JPH3: variants seen among roughly 807,000 people sequenced by gnomAD.
JPH3 encodes junctophilin 3, also known as junctophilin-3.
A neutral mutation model predicts 59.6 loss-of-function variants in JPH3; 11 were observed. The ratio of observed to expected loss-of-function variants is 0.18; its 90% CI spans 0.12 to 0.31. The LOEUF (loss-of-function observed/expected upper bound fraction) is 0.31, where lower values mean the gene tolerates loss of function less well. Ranked by LOEUF, JPH3 falls within the 10% of genes least tolerant of loss-of-function variation. JPH3 has a pLI of 1.00. For synonymous variants in JPH3, 673 were observed against 483.6 expected (o/e 1.39, Z -5.14); for missense variants, 1,202 against 1,105.7 (o/e 1.09, Z -1.24).
chr16:87,637,767 G>C (rs2150840171), intron 1 of JPH3, among the ~76,000 whole-genome samples: 1 of 152,268 alleles, frequency 6.6e-6, no homozygotes, highest in African/African-American at 2.4e-5. Flanking sequence ...TGTGCCCCCG[G>C]GGTTGGCTTC....
chr16:87,641,672 C>T (rs1464322643), intron 1 of JPH3, among the ~76,000 whole-genome samples: 1 of 152,262 alleles, frequency 6.6e-6, no homozygotes, highest in African/African-American at 2.4e-5. Context: ...ATTCCTTTTT[C>T]AACGGAGAGG....
At position 87,690,094 on chromosome 16, in the gene JPH3, ACCC is replaced by A. The variant is rs2033526232; in HGVS notation, c.1738_1740del (p.Pro580del). On this transcript the variant is annotated inframe_deletion, in exon 4 of 5. Coordinates refer to ENST00000284262, the MANE Select transcript of JPH3 (RefSeq NM_020655.4). ...AGCCGCGGGAGCGGCGGACGGAGTCACCCCCCGTGTTCACGTGGACTTCCCACC... is the reference window on the plus strand; with the variant it reads ...AGCCGCGGGAGCGGCGGACGGAGTCACCCGTGTTCACGTGGACTTCCCACC... The A allele has an allele frequency of 6.4e-7, 1 of 1,570,630 alleles. No homozygotes were observed. The highest frequency in any genetic ancestry group is 2.4e-5 in the East Asian group (1 of 41,474).
At chr16:87,648,574 A>T (rs4843648) in intron 2 of JPH3, among the ~76,000 whole-genome samples, 1 of 151,902 alleles carries the variant, frequency 6.6e-6, no homozygotes, top group East Asian at 1.9e-4. Context: ...AGGGAAGGGA[A>T]GTGGGTTTTC....
chr16:87,663,235 A>G (rs1353923793), intron 2 of JPH3, among the ~76,000 whole-genome samples: 1 of 151,806 alleles, frequency 6.6e-6, no homozygotes, highest in Non-Finnish European at 1.5e-5. Context: ...CAGCCTCCCA[A>G]GTAGTTGGGA....
In JPH3 at chr16:87,675,689, C is replaced by G. The variant is rs72810180; in HGVS notation, c.1161-8453C>G. ...GATTTTATAGCAGAGTTTCTGTTAACTCAAAAAGGGACTCCACAGTGAAGG... is the reference window on the plus strand; with the variant it reads ...GATTTTATAGCAGAGTTTCTGTTAAGTCAAAAAGGGACTCCACAGTGAAGG... On this transcript the variant is annotated intron_variant, in intron 2 of 4. Coordinates refer to ENST00000284262, the MANE Select transcript of JPH3 (RefSeq NM_020655.4). Among the ~76,000 whole-genome samples the G allele has an allele frequency of 6.2e-3, 943 of 152,320 alleles. 4 individuals are homozygous for G. The highest frequency in any genetic ancestry group is 0.01 in the Non-Finnish European group (695 of 68,032).
At chr16:87,686,964 C>T (rs1025668211) in intron 3 of JPH3, among the ~76,000 whole-genome samples, 1 of 152,222 alleles carries the variant, frequency 6.6e-6, no homozygotes, top group Non-Finnish European at 1.5e-5. Flanking sequence ...ACTCTGAGCA[C>T]CTCGGTCCGA....
At chr16:87,610,943 C>T (rs1300888122) in intron 1 of JPH3, among the ~76,000 whole-genome samples, 1 of 152,194 alleles carries the variant, frequency 6.6e-6, no homozygotes, top group Non-Finnish European at 1.5e-5. Context: ...GCTCCCTTTT[C>T]CTTGGCTTGA....
intron 1 of JPH3, among the ~76,000 whole-genome samples, chr16:87,637,488 C>T (rs558260008): frequency 2.0e-5 from 3 of 151,604 alleles, no homozygotes; most frequent in South Asian, 2.1e-4. Flanking sequence ...CATTTTGCGC[C>T]GGTGTTGGGC....
rs569346550 is a variant in JPH3 at position 87,608,570 on chromosome 16, A to C, written c.382+5042A>C. Among the ~76,000 whole-genome samples, 126 of 152,208 alleles carry C rather than the reference A, an allele frequency of 8.3e-4. 1 individual carries two copies. Among genetic ancestry groups the C allele is most frequent in the African/African-American group, 2.8e-3 (118 of 41,510 alleles). On this transcript the variant is annotated intron_variant, in intron 1 of 4. Transcript: ENST00000284262. ...TTCCAAGTCTGGAGAGGAGAGGAGGAGAGAAGAGAGGCAGTCCCTTCAGCA... is the reference window on the plus strand; with the variant it reads ...TTCCAAGTCTGGAGAGGAGAGGAGGCGAGAAGAGAGGCAGTCCCTTCAGCA...
intron 1 of JPH3, among the ~76,000 whole-genome samples, chr16:87,608,647 C>G (rs2030619214): frequency 6.6e-6 from 1 of 152,180 alleles, no homozygotes; most frequent in Admixed American, 6.5e-5. Flanking sequence ...CGGCTGGACT[C>G]ACTTTCGCTC....
At chr16:87,629,422 GTTTT>G (rs11343784) in intron 1 of JPH3, among the ~76,000 whole-genome samples, 3 of 145,724 alleles carry the variant, frequency 2.1e-5, no homozygotes, top group African/African-American at 2.5e-5. Context: ...ATCTTTGTGG[GTTTT>G]TTTTTTTTTA....
intron 4 of JPH3, 38 bp from the exon 5 acceptor site, chr16:87,696,542 G>A (rs759030068): frequency 2.0e-5 from 32 of 1,571,592 alleles, no homozygotes; most frequent in South Asian, 4.4e-5. Context: ...AGAGCCCCCC[G>A]CAGCTGTCGC....
At chr16:87,684,113 C>A in intron 2 of JPH3, 29 bp from the exon 3 acceptor site, 1 of 1,589,710 alleles carries the variant, frequency 6.3e-7, no homozygotes, top group Non-Finnish European at 8.6e-7. Flanking sequence ...CCCCCTGCCC[C>A]CCCTCACGCT....
intron 2 of JPH3, among the ~76,000 whole-genome samples, chr16:87,657,662 C>G (rs928392209): frequency 3.3e-4 from 50 of 152,280 alleles, no homozygotes; most frequent in African/African-American, 1.2e-3. Flanking sequence ...GTCACTGTGC[C>G]CAGGCCTCTT....
intron 2 of JPH3, among the ~76,000 whole-genome samples, chr16:87,679,309 A>G (rs1188789527): frequency 6.9e-6 from 1 of 145,476 alleles, no homozygotes; most frequent in East Asian, 2.0e-4. Flanking sequence ...TAAAGATAAG[A>G]GAGGGGTCAC....
intron 1 of JPH3, among the ~76,000 whole-genome samples, chr16:87,626,628 C>T (rs1289611214): frequency 6.6e-6 from 1 of 152,258 alleles, no homozygotes; most frequent in Non-Finnish European, 1.5e-5. Flanking sequence ...GCCACGCAGT[C>T]CTCGGCCTGA....
intron 1 of JPH3, among the ~76,000 whole-genome samples, chr16:87,616,633 C>T (rs974609509): frequency 7.9e-5 from 12 of 152,070 alleles, no homozygotes; most frequent in Non-Finnish European, 1.8e-4. Context: ...ATCAGAGATC[C>T]GGTGTCCCCC....
At chr16:87,641,971 A>C (rs1489624541) in intron 1 of JPH3, among the ~76,000 whole-genome samples, 3 of 149,944 alleles carry the variant, frequency 2.0e-5, no homozygotes, top group African/African-American at 7.4e-5. Context: ...GGGTGCTTGG[A>C]GGTGCTGTGG....
chr16:87,649,548 C>A (rs1269579388), intron 2 of JPH3, among the ~76,000 whole-genome samples: 1 of 152,186 alleles, frequency 6.6e-6, no homozygotes, highest in Non-Finnish European at 1.5e-5. Context: ...AAATGTGTCA[C>A]CCATCCTAGA....
Sources: allele counts gnomAD v4.1 joint callset (sites outside exome capture counted in the v4.1 genomes callset), GRCh38; gene constraint gnomAD v4.1.1; transcripts MANE v1.5; gene names NCBI Gene and HGNC (gene_info 2026-07-23, HGNC 2026-07-21).